Variants in DSC2 observed in about 807,000 individuals in gnomAD.
DSC2 encodes desmocollin 2, also known as desmocollin-2.
DSC2 carries 51 observed loss-of-function variants against 87.6 expected under a neutral mutation model. The observed-to-expected ratio is 0.58, with a 90% CI of 0.46 to 0.74. The LOEUF is 0.74. DSC2 is among the 30% of genes least tolerant of loss of function. The probability of loss-of-function intolerance (pLI) is 0.00; values close to 1 mark genes in which losing one functional copy is unlikely to be tolerated. For synonymous variants in DSC2, 383 were observed against 393.2 expected, an observed-to-expected ratio of 0.97 and a Z score of 0.31; for missense variants, 1,066 against 1,089.5, an observed-to-expected ratio of 0.98 and a Z score of 0.30.
chr18:31,074,806 T>G lies in DSC2; in HGVS notation c.1765A>C (p.Met589Leu). ...ACCGCAACAATCTCCGCAGATGACA[T>G]GGTGGGTTTGCAGATGATCACTGTC... ...KKTVIICKPT[M>L]SSAEIVAVDP... The change falls in exon 12 of 16, where the codon ATG (methionine) becomes CTG (leucine). Residue 589 changes from methionine (M) to leucine (L), a missense_variant. By Grantham distance (15) the Met-to-Leu change is conservative (BLOSUM62 2). Coordinates refer to ENST00000280904, the MANE Select transcript of DSC2 (RefSeq NM_024422.6). 6.2e-7 allele frequency: 1 copy of G among 1,614,048 alleles called. No individual in the cohort carries two copies. Among genetic ancestry groups the G allele is most frequent in the Non-Finnish European group, 8.5e-7 (1 of 1,179,996 alleles).
rs2144784219 is a variant in DSC2 at position 31,069,090 on chromosome 18, G to T, written c.2312C>A (p.Thr771Asn). The T allele has an allele frequency of 6.2e-7, 1 of 1,614,056 alleles. No homozygotes were observed. The highest frequency in any genetic ancestry group is 8.5e-7 in the Non-Finnish European group (1 of 1,179,992). The change falls in exon 15 of 16, where the codon ACC (threonine) becomes AAC (asparagine). Residue 771 changes from threonine to asparagine, a missense_variant. Coordinates refer to ENST00000280904, the MANE Select transcript of DSC2 (RefSeq NM_024422.6). ...VGASAQGVCG[T>N]VGSGIKNGGQ... is the part of the protein sequence containing the mutation. ...TCCGTTTTTGATTCCTGATCCCACGGTGCCACAAACTCCCTGAGCAGAAGC... is the reference window on the plus strand; with the variant it reads ...TCCGTTTTTGATTCCTGATCCCACGTTGCCACAAACTCCCTGAGCAGAAGC...
chr18:31,065,133 G>A lies in DSC2; in HGVS notation c.*2882C>T, dbSNP rs1986582884. 1 of 152,128 alleles carries A rather than the reference G, an allele frequency of 6.6e-6. No homozygotes were observed. The highest frequency in any genetic ancestry group is 1.5e-5 in the Non-Finnish European group (1 of 68,038). The allele number at this position is 152,128 out of a possible 1,614,324, so 9.4% of individuals were successfully genotyped here. On this transcript the variant is annotated 3_prime_UTR_variant, in exon 16 of 16. Coordinates refer to ENST00000280904, the MANE Select transcript of DSC2 (RefSeq NM_024422.6). ...TTTATCACACTGACTTCTGGCTAGG[G>A]ATGAATAAGATGTAACTTGCTGAAT...
In DSC2 at chr18:31,068,918, A is replaced by C; in HGVS notation, c.2484T>G (p.Ser828Arg). The change falls in exon 15 of 16, where the codon AGT (serine) becomes AGG (arginine). Residue 828 changes from serine to arginine, a missense_variant. By Grantham distance (110) the Ser-to-Arg change is moderately radical. Transcript: ENST00000280904. ...CTTCACCAAGACGGGGCTGAGTAAAACTGTGCCACTCCGAGTAAGTGTATC... is the reference window on the plus strand; with the variant it reads ...CTTCACCAAGACGGGGCTGAGTAAACCTGTGCCACTCCGAGTAAGTGTATC... ...NCRYTYSEWH[S>R]FTQPRLGEKV... The C allele has an allele frequency of 6.2e-7, 1 of 1,613,844 alleles. No homozygotes were observed. The highest frequency in any genetic ancestry group is 8.5e-7 in the Non-Finnish European group (1 of 1,180,004).
rs867202212 is a variant in DSC2 at position 31,075,589 on chromosome 18, G to A, written c.1664-682C>T. Among the ~76,000 whole-genome samples the A allele has an allele frequency of 7.2e-5, 11 of 152,266 alleles. No individual in the cohort carries two copies. In the South Asian group the frequency reaches 1.2e-3, roughly 17 times the overall value. On this transcript the variant is annotated intron_variant, in intron 11 of 15. Transcript: ENST00000280904. ...GGATAGACGGGGCACAGTGGCTCAC[G>A]CCTGTAATCCCAGCACTTTGGGAAG...
chr18:31,072,113 A>T (rs1461767228), intron 12 of DSC2, among the ~76,000 whole-genome samples: 1 of 152,200 alleles, frequency 6.6e-6, no homozygotes, highest in African/African-American at 2.4e-5. Context: ...GTGTAAACAA[A>T]TCCTTCCTAT....
rs954532435 is a variant in DSC2 at position 31,094,684 on chromosome 18, T to C, written c.70-1041A>G. 9.8e-4 allele frequency among the ~76,000 whole-genome samples: 150 copies of C among 152,334 alleles called. 1 individual carries two copies. The highest frequency in any genetic ancestry group is 4.1e-4 in the Non-Finnish European group (28 of 68,032). ...ATCAAAATTTGGATGGAAATGTTTA[T>C]TTTTAATATATATTAAAGACTTAAA... On this transcript the variant is annotated intron_variant, in intron 1 of 15. Transcript: ENST00000280904.
chr18:31,062,825 A>C lies in DSC2; in HGVS notation c.*5190T>G, dbSNP rs1986526698. ...GGAGAAGGGATTCCAAAATCTCAAC[A>C]CTTCACTTTCCTGTATTAAGCTGTG... On this transcript the variant is annotated 3_prime_UTR_variant, in exon 16 of 16. Coordinates refer to ENST00000280904, the MANE Select transcript of DSC2 (RefSeq NM_024422.6). 1 of 152,086 alleles carries C rather than the reference A, an allele frequency of 6.6e-6. No homozygotes were observed. Among genetic ancestry groups the C allele is most frequent in the South Asian group, 2.1e-4 (1 of 4,822 alleles). The allele number at this position is 152,086 out of a possible 1,614,324, so 9.4% of individuals were successfully genotyped here.
At chr18:31,076,120 C>A (rs1311890173) in intron 11 of DSC2, among the ~76,000 whole-genome samples, 2 of 152,156 alleles carry the variant, frequency 1.3e-5, no homozygotes, top group Non-Finnish European at 2.9e-5. Context: ...GTGCCATCCA[C>A]TGCCTGGGGC....
At chr18:31,070,555 T>C (rs1986788468) in intron 14 of DSC2, among the ~76,000 whole-genome samples, 171 bp downstream of exon 14, 1 of 152,226 alleles carries the variant, frequency 6.6e-6, no homozygotes. Context: ...TTAAATACCA[T>C]ATATCATCAT....
chr18:31,100,016 G>C (rs753426295), intron 1 of DSC2, among the ~76,000 whole-genome samples: 1 of 152,074 alleles, frequency 6.6e-6, no homozygotes, highest in African/African-American at 2.4e-5. Context: ...GACCACAGGC[G>C]CGCACCCCAT....
chr18:31,069,277 G>A (rs1239716406), intron 14 of DSC2, 126 bp from the exon 15 acceptor site: 11 of 1,222,282 alleles, frequency 9.0e-6, no homozygotes, highest in Non-Finnish European at 1.3e-5. Context: ...TCTGAGAGCA[G>A]GAACTAAATC....
Position 31,060,232 on chromosome 18 carries a change from T to A in DSC2, c.*7783A>T, listed in dbSNP as rs1368497310. The A allele has an allele frequency of 6.6e-6, 1 of 152,164 alleles. No homozygotes were observed. The highest frequency in any genetic ancestry group is 1.5e-5 in the Non-Finnish European group (1 of 68,032). 9.4% of individuals were successfully genotyped at this position (152,164 alleles called of 1,614,324 possible). A position where few individuals can be genotyped will look rare whatever the true frequency, so the allele number is the denominator to read the frequency against. ...CATGTGAGTAGAATCTTTACACTAT[T>A]CTCTTACTTCTTTTGGATAAATCCC... On this transcript the variant is annotated 3_prime_UTR_variant, in exon 16 of 16. Coordinates refer to ENST00000280904, the MANE Select transcript of DSC2 (RefSeq NM_024422.6).
At chr18:31,069,790 A>G (rs1393492150) in intron 14 of DSC2, among the ~76,000 whole-genome samples, 1 of 152,076 alleles carries the variant, frequency 6.6e-6, no homozygotes, top group African/African-American at 2.4e-5. Flanking sequence ...TCACACCTCA[A>G]AATAAACACT....
At position 31,071,651 on chromosome 18, in the gene DSC2, T is replaced by G. The variant is rs770883208; in HGVS notation, c.2079A>C (p.Gly693=). 1 of 1,614,132 alleles carries G rather than the reference T, an allele frequency of 6.2e-7. No homozygotes were observed. Among genetic ancestry groups the G allele is most frequent in the Admixed American group, 1.7e-5 (1 of 60,016 alleles). ...ACAATATTGCAAGGATGGCCCACTT[T>G]CCAAGTTGTACTCCTCCACCGCCAA... ...PRIGGGGVQL[G]KWAILAILLG... is the part of the protein sequence containing the mutation. The change falls in exon 13 of 16, where the codon GGA becomes GGC. Residue 693 remains glycine (G), a synonymous_variant. Transcript: ENST00000280904.
At chr18:31,081,491 T>C (rs969175922) in intron 9 of DSC2, among the ~76,000 whole-genome samples, 4 of 152,198 alleles carry the variant, frequency 2.6e-5, no homozygotes, top group African/African-American at 9.7e-5. Flanking sequence ...GAAATTTCTC[T>C]GCTATTTTAA....
At chr18:31,079,396 G>T (rs1190062994) in intron 11 of DSC2, among the ~76,000 whole-genome samples, 2 of 152,024 alleles carry the variant, frequency 1.3e-5, no homozygotes, top group African/African-American at 4.8e-5. Context: ...TCGGATTACA[G>T]GTGCATGCCA....
intron 1 of DSC2, chr18:31,101,339 T>G (rs1205963172): frequency 1.1e-6 from 1 of 877,284 alleles, no homozygotes; most frequent in Non-Finnish European, 1.3e-6. Context: ...AGCAGTTCCC[T>G]TTTTCACCCA....
rs529302828 is a variant in DSC2, at chr18:31,088,426, T to C, written c.631-613A>G. On this transcript the variant is annotated intron_variant, in intron 5 of 15. Transcript: ENST00000280904. ...AATATGAATTTCAATACCAATTTTC[T>C]CATAACAGCTATCATAGAAAGGCCA... 4.6e-5 allele frequency among the ~76,000 whole-genome samples: 7 copies of C among 152,304 alleles called. No individual in the cohort carries two copies. The East Asian group carries it at 7.7e-4, about 17-fold the overall frequency.
At position 31,087,780 on chromosome 18, in the gene DSC2, T is replaced by C. The variant is rs751014965; in HGVS notation, c.664A>G (p.Thr222Ala). The C allele has an allele frequency of 4.3e-6, 7 of 1,613,922 alleles. 1 individual carries two copies. The South Asian group carries it at 7.7e-5, about 18-fold the overall frequency. Residue 222 changes from threonine (T) to alanine (A), a missense_variant, in exon 6 of 16, where the codon ACT becomes GCT. By Grantham distance (58) the Thr-to-Ala change is moderately conservative (BLOSUM62 0). Coordinates refer to ENST00000280904, the MANE Select transcript of DSC2 (RefSeq NM_024422.6). ...ATTAGGGGCAGTGGAAGTTCTGGAG[T>C]ATACCCATCTGGAGTTGTTGCAAAG... ...IAFATTPDGY[T>A]PELPLPLIIK...
Sources: gnomAD v4.1 joint callset for allele counts (sites outside exome capture counted in the v4.1 genomes callset) on GRCh38, gnomAD v4.1.1 for gene constraint, MANE v1.5 for transcripts, NCBI Gene and HGNC (gene_info 2026-07-23, HGNC 2026-07-21) for gene names.